Variants in ATL1 observed in about 807,000 individuals in gnomAD.
The protein encoded by ATL1 is atlastin GTPase 1.
ATL1 carries 31 observed loss-of-function variants against 75.5 expected under a neutral mutation model. The ratio of observed to expected loss-of-function variants is 0.41; its 90% confidence interval spans 0.31 to 0.55. ATL1 has a LOEUF of 0.55. ATL1 is among the 20% of genes least tolerant of loss of function. The probability of loss-of-function intolerance (pLI) is 0.27; values close to 1 mark genes in which losing one functional copy is unlikely to be tolerated. For missense variants in ATL1, 405 were observed against 662.6 expected (o/e 0.61, Z 4.27); for synonymous variants, 226 against 233.3 (o/e 0.97, Z 0.28).
At chr14:50,612,216 C>G (rs2039372964) in intron 6 of ATL1, among the ~76,000 whole-genome samples, 1 of 152,032 alleles carries the variant, frequency 6.6e-6, no homozygotes, top group Non-Finnish European at 1.5e-5. Flanking sequence ...CGAACTGATG[C>G]TGTTAAAAGT....
rs377724613 is a variant in ATL1, at chr14:50,599,896, C to T, written c.630+4264C>T. On this transcript the variant is annotated intron_variant, in intron 6 of 13. Transcript: ENST00000358385. ...TGAATTCTCCTGAGGGCTCAGGAAC[C>T]TGGTGTGGGGAGGAGGTGAGGTAGA... is the stretch of plus-strand genomic sequence containing the variant. Among the ~76,000 whole-genome samples the T allele has an allele frequency of 7.3e-5, 11 of 151,608 alleles. No individual in the cohort carries two copies. In the East Asian group the frequency reaches 7.8e-4, roughly 11 times the overall value.
At chr14:50,582,461 G>A (rs1320402715) in intron 1 of ATL1, among the ~76,000 whole-genome samples, 2 of 147,424 alleles carry the variant, frequency 1.4e-5, no homozygotes, top group Non-Finnish European at 3.0e-5. Flanking sequence ...CCAGGCTGGC[G>A]TGCAGTGGTG....
At position 50,591,444 on chromosome 14, in the gene ATL1, G is replaced by A. The variant is rs544702867; in HGVS notation, c.418-91G>A. ...ATCTAAAATAGTATTGATTAATAAT[G>A]GTTTGCTTTAGTTCTTATATTAATA... is the stretch of plus-strand genomic sequence containing the variant. On this transcript the variant is annotated intron_variant, in intron 3 of 13. Coordinates refer to ENST00000358385, the MANE Select transcript of ATL1 (RefSeq NM_015915.5). 8 of 837,404 alleles carry A rather than the reference G, an allele frequency of 9.6e-6. No individual in the cohort carries two copies. In the East Asian group the frequency reaches 1.6e-4, roughly 17 times the overall value. The allele number at this position is 837,404 out of a possible 1,614,324, so 51.9% of individuals were successfully genotyped here.
chr14:50,623,262 A>G lies in ATL1; in HGVS notation c.1119+14A>G, dbSNP rs754968299. The G allele has an allele frequency of 6.2e-7, 1 of 1,606,434 alleles. No homozygotes were observed. The highest frequency in any genetic ancestry group is 8.5e-7 in the Non-Finnish European group (1 of 1,173,558). Reference sequence around the variant, plus strand: ...AAAATGGAAGAGGTAAGAGTTAAATATTTTAAATTCTGTCTTAAACAAAAC... The same window carrying G: ...AAAATGGAAGAGGTAAGAGTTAAATGTTTTAAATTCTGTCTTAAACAAAAC... On this transcript the variant is annotated intron_variant, in intron 11 of 13. Coordinates refer to ENST00000358385, the MANE Select transcript of ATL1 (RefSeq NM_015915.5).
At chr14:50,566,787 A>T (rs567219080) in intron 1 of ATL1, among the ~76,000 whole-genome samples, 1 of 152,242 alleles carries the variant, frequency 6.6e-6, no homozygotes, top group South Asian at 2.1e-4. Context: ...GTGTATTTTA[A>T]TAAACAGACA....
chr14:50,581,952 G>C (rs543783893), intron 1 of ATL1, among the ~76,000 whole-genome samples: 3 of 152,086 alleles, frequency 2.0e-5, no homozygotes, highest in Non-Finnish European at 4.4e-5. Flanking sequence ...AAGCTTTATT[G>C]GTACTAATAT....
At chr14:50,572,226 A>G (rs998248036) in intron 1 of ATL1, 12 of 241,684 alleles carry the variant, frequency 5.0e-5, no homozygotes, top group Non-Finnish European at 9.7e-5. Context: ...TATCAAGGTT[A>G]TACTAATTTT....
chr14:50,624,335 G>A (rs891631449), intron 11 of ATL1, among the ~76,000 whole-genome samples: 1 of 151,860 alleles, frequency 6.6e-6, no homozygotes, highest in Admixed American at 6.6e-5. Flanking sequence ...GTCACATTTT[G>A]GTAATTCTCA....
At chr14:50,573,633 C>A (rs2038974976) in intron 1 of ATL1, among the ~76,000 whole-genome samples, 2 of 152,084 alleles carry the variant, frequency 1.3e-5, no homozygotes, top group Admixed American at 1.3e-4. Flanking sequence ...CAATATATGT[C>A]CATTAGCTCA....
intron 1 of ATL1, among the ~76,000 whole-genome samples, chr14:50,548,951 A>G (rs994340603): frequency 6.6e-6 from 1 of 152,152 alleles, no homozygotes; most frequent in Non-Finnish European, 1.5e-5. Context: ...TACCCCATAA[A>G]AGGTGGGTGG....
chr14:50,553,019 G>A (rs766182271), intron 1 of ATL1, among the ~76,000 whole-genome samples: 13 of 152,110 alleles, frequency 8.5e-5, no homozygotes, highest in Non-Finnish European at 1.6e-4. Flanking sequence ...ATGGGGCCAG[G>A]CATGGTGGCT....
intron 1 of ATL1, among the ~76,000 whole-genome samples, chr14:50,579,985 A>C (rs2039040948): frequency 6.6e-6 from 1 of 152,246 alleles, no homozygotes; most frequent in African/African-American, 2.4e-5. Flanking sequence ...CTCACTAAAA[A>C]TAATTAAGTT....
At chr14:50,614,686 G>A (rs887720343) in intron 8 of ATL1, among the ~76,000 whole-genome samples, 175 bp downstream of exon 8, 2 of 152,106 alleles carry the variant, frequency 1.3e-5, no homozygotes, top group African/African-American at 2.4e-5. Context: ...GTGAACTGTG[G>A]GATTCTATGG....
At chr14:50,624,072 G>A (rs1270818697) in intron 11 of ATL1, among the ~76,000 whole-genome samples, 3 of 149,388 alleles carry the variant, frequency 2.0e-5, no homozygotes, top group African/African-American at 7.3e-5. Flanking sequence ...AAAATGTTAT[G>A]AAATTAAAAT....
intron 11 of ATL1, among the ~76,000 whole-genome samples, chr14:50,625,679 A>G (rs900940235): frequency 3.3e-5 from 5 of 152,082 alleles, no homozygotes; most frequent in Non-Finnish European, 4.4e-5. Context: ...GAGGCCCAAC[A>G]CTTTGGGAGG....
chr14:50,632,127 T>C, intron 13 of ATL1, 102 bp from the exon 14 acceptor site: 1 of 687,322 alleles, frequency 1.5e-6, no homozygotes, highest in Non-Finnish European at 2.4e-6. Context: ...GATTTCAAAT[T>C]CAACATGCTA....
At chr14:50,622,048 A>T (rs2039472074) in intron 10 of ATL1, 149 bp downstream of exon 10, 2 of 704,800 alleles carry the variant, frequency 2.8e-6, no homozygotes. Flanking sequence ...TGTTCATCTA[A>T]ACATGTTTCA....
At chr14:50,620,219 C>G (rs1022102889) in intron 8 of ATL1, among the ~76,000 whole-genome samples, 1 of 152,174 alleles carries the variant, frequency 6.6e-6, no homozygotes, top group Non-Finnish European at 1.5e-5. Context: ...GATTGCACCA[C>G]TGCACTCCAG....
intron 1 of ATL1, among the ~76,000 whole-genome samples, chr14:50,552,691 G>C (rs1160187928): frequency 6.6e-6 from 1 of 152,114 alleles, no homozygotes; most frequent in Non-Finnish European, 1.5e-5. Flanking sequence ...ACAGAATAGA[G>C]AACCCAGAAA....
Sources: allele counts gnomAD v4.1 joint callset (sites outside exome capture counted in the v4.1 genomes callset), GRCh38; gene constraint gnomAD v4.1.1; transcripts MANE v1.5; gene names NCBI Gene and HGNC (gene_info 2026-07-23, HGNC 2026-07-21).